The following MCC variants were observed in gnomAD, a reference collection of about 807,000 sequenced individuals.
MCC encodes the protein colorectal mutant cancer protein.
Under a neutral mutation model 116.2 loss-of-function variants are expected in MCC, and 90 were observed. That is an observed-to-expected ratio of 0.77 (90% CI 0.65 to 0.92). The LOEUF is 0.92. Among genes scored for constraint, MCC ranks in the 40% least tolerant of loss-of-function variants. The pLI, the probability that MCC is intolerant of heterozygous loss-of-function variation, is 0.00. For synonymous variants in MCC, 578 were observed against 510.5 expected (o/e 1.13, Z -1.78); for missense variants, 1,516 against 1,312.2 (o/e 1.16, Z -2.40).
At position 113,116,375 on chromosome 5, in the gene MCC, C is replaced by T. The variant is rs561019128; in HGVS notation, c.1027+6309G>A. Among the ~76,000 whole-genome samples the T allele has an allele frequency of 2.2e-4, 34 of 152,296 alleles. No individual in the cohort carries two copies. In the South Asian group the frequency reaches 7.0e-3, roughly 32 times the overall value. ...TTATTTCCATGACAGATTACACAGGCTTTCCAAGGCTGGTTTCAGGAGCTA... is the reference window on the plus strand; with the variant it reads ...TTATTTCCATGACAGATTACACAGGTTTTCCAAGGCTGGTTTCAGGAGCTA... On this transcript the variant is annotated intron_variant, in intron 6 of 18. Transcript: ENST00000408903.
intron 6 of MCC, among the ~76,000 whole-genome samples, chr5:113,110,275 G>A (rs1345870674): frequency 2.6e-5 from 4 of 152,204 alleles, no homozygotes; most frequent in Admixed American, 1.3e-4. Flanking sequence ...GGGAAAACAC[G>A]GTGACTGGAT....
rs936285572 is a variant in MCC, at chr5:113,027,233, G to A, written c.*69C>T. On this transcript the variant is annotated 3_prime_UTR_variant, in exon 19 of 19. Coordinates refer to ENST00000408903, the MANE Select transcript of MCC (RefSeq NM_001085377.2). ...CCTCCTCCTCCCAACAAGTACATGGGCCCTTCTGTCCCCAGTGGCCTGCTG... is the reference window on the plus strand; with the variant it reads ...CCTCCTCCTCCCAACAAGTACATGGACCCTTCTGTCCCCAGTGGCCTGCTG... The A allele has an allele frequency of 1.8e-5, 27 of 1,521,328 alleles. No homozygotes were observed. In the Admixed American group the frequency reaches 2.6e-4, roughly 15 times the overall value. 94.2% of individuals were successfully genotyped at this position (1,521,328 alleles called of 1,614,324 possible).
At position 113,049,213 on chromosome 5, in the gene MCC, G is replaced by C. The variant is rs1214797729; in HGVS notation, c.2535C>G (p.Ala845=). The change falls in exon 16 of 19, where the codon GCC becomes GCG. Residue 845 remains alanine, a synonymous_variant. Coordinates refer to ENST00000408903, the MANE Select transcript of MCC (RefSeq NM_001085377.2). ...ALELKLSTRE[A]QEQAYLVHIE... Reference sequence around the variant, plus strand: ...TGTGCACCAGGTAGGCCTGCTCCTGGGCCTCCCGCGTGCTCAGCTTCAGCT... The same window carrying C: ...TGTGCACCAGGTAGGCCTGCTCCTGCGCCTCCCGCGTGCTCAGCTTCAGCT... 3.1e-6 allele frequency: 5 copies of C among 1,613,930 alleles called. No individual in the cohort carries two copies. In the African/African-American group the frequency reaches 6.7e-5, roughly 22 times the overall value.
intron 3 of MCC, among the ~76,000 whole-genome samples, chr5:113,288,901 GT>G (rs2150360234): frequency 1.3e-5 from 2 of 152,284 alleles, no homozygotes; most frequent in South Asian, 4.1e-4. Flanking sequence ...GCACCTCAGA[GT>G]TTTAGACAAG....
At chr5:113,169,910 T>A (rs1187449341) in intron 3 of MCC, among the ~76,000 whole-genome samples, 4 of 152,226 alleles carry the variant, frequency 2.6e-5, no homozygotes, top group Non-Finnish European at 4.4e-5. Flanking sequence ...GAGATCGGCA[T>A]AAATGATAAC....
At chr5:113,440,706 T>A (rs1254658182) in intron 1 of MCC, among the ~76,000 whole-genome samples, 1 of 151,778 alleles carries the variant, frequency 6.6e-6, no homozygotes, top group Non-Finnish European at 1.5e-5. Context: ...TCTATATCCT[T>A]TAAGGGAACA....
intron 3 of MCC, among the ~76,000 whole-genome samples, chr5:113,287,686 T>G (rs748726783): frequency 3.2e-4 from 48 of 152,156 alleles, no homozygotes; most frequent in Non-Finnish European, 5.6e-4. Context: ...CAGCCCCACC[T>G]GGGAGAAAGC....
rs1249085527 is a variant in MCC, at chr5:113,488,182, G to A, written c.170+63C>T. On this transcript the variant is annotated intron_variant, in intron 1 of 18. Coordinates refer to ENST00000408903, the MANE Select transcript of MCC (RefSeq NM_001085377.2). ...AGTTGGGGCGAGGGGGCAGAGCAGGGGTCAAGGGCGCGCGGAGGGACTGAT... is the reference window on the plus strand; with the variant it reads ...AGTTGGGGCGAGGGGGCAGAGCAGGAGTCAAGGGCGCGCGGAGGGACTGAT... 46 of 1,528,782 alleles carry A rather than the reference G, an allele frequency of 3.0e-5. No individual in the cohort carries two copies. The Admixed American group carries it at 4.9e-4, about 16-fold the overall frequency. The allele number at this position is 1,528,782 out of a possible 1,614,324, so 94.7% of individuals were successfully genotyped here.
chr5:113,106,619 G>A (rs2150258181), intron 6 of MCC, among the ~76,000 whole-genome samples: 1 of 152,292 alleles, frequency 6.6e-6, no homozygotes, highest in East Asian at 1.9e-4. Context: ...ACAGGCAGGG[G>A]TACAATCCTA....
At chr5:113,066,805 G>T (rs1255751014) in intron 13 of MCC, among the ~76,000 whole-genome samples, 1 of 152,212 alleles carries the variant, frequency 6.6e-6, no homozygotes, top group African/African-American at 2.4e-5. Context: ...GCTCACAGCA[G>T]AAATCCAGTC....
chr5:113,479,798 C>G (rs774857545), intron 1 of MCC, among the ~76,000 whole-genome samples: 2 of 152,030 alleles, frequency 1.3e-5, no homozygotes, highest in Admixed American at 6.6e-5. Context: ...CTTAGTGACA[C>G]TATGGTTTCA....
intron 14 of MCC, among the ~76,000 whole-genome samples, chr5:113,061,569 A>C (rs1469394499): frequency 6.6e-6 from 1 of 152,210 alleles, no homozygotes; most frequent in Non-Finnish European, 1.5e-5. Context: ...GACCCTGGGC[A>C]CCTGCCAACA....
chr5:113,364,478 A>C (rs7734061), intron 2 of MCC, among the ~76,000 whole-genome samples: 5 of 151,948 alleles, frequency 3.3e-5, no homozygotes, highest in Non-Finnish European at 7.4e-5. Flanking sequence ...GGCTGGCACT[A>C]AGTGCCGATG....
chr5:113,046,709 A>AG (rs1580917279), intron 16 of MCC, among the ~76,000 whole-genome samples: 1 of 142,064 alleles, frequency 7.0e-6, no homozygotes, highest in African/African-American at 2.7e-5. Context: ...AAAAAAAAAA[A>AG]AAGAGAGAGA....
chr5:113,415,246 TG>T (rs759867257), intron 1 of MCC, among the ~76,000 whole-genome samples: 37 of 152,188 alleles, frequency 2.4e-4, no homozygotes, highest in Admixed American at 6.5e-5. Context: ...TTATGTGTCT[TG>T]GGGTTGCTTT....
chr5:113,207,173 G>C (rs1232015764), intron 3 of MCC, among the ~76,000 whole-genome samples: 1 of 152,152 alleles, frequency 6.6e-6, no homozygotes, highest in Non-Finnish European at 1.5e-5. Flanking sequence ...AGAGACTTTG[G>C]AATCAGACAG....
intron 1 of MCC, among the ~76,000 whole-genome samples, chr5:113,416,198 T>G (rs1012022317): frequency 6.6e-6 from 1 of 152,236 alleles, no homozygotes. Context: ...GGAATGGACC[T>G]ATGCAACTCT....
intron 1 of MCC, among the ~76,000 whole-genome samples, chr5:113,479,383 G>T (rs926289891): frequency 3.9e-5 from 6 of 152,268 alleles, no homozygotes; most frequent in Admixed American, 2.6e-4. Context: ...TCCTGATTTT[G>T]GTGGTGGTTA....
intron 3 of MCC, among the ~76,000 whole-genome samples, chr5:113,301,793 T>C (rs138220027): frequency 6.6e-6 from 1 of 152,332 alleles, no homozygotes; most frequent in African/African-American, 2.4e-5. Context: ...AGTTTTTATT[T>C]AATTGAAATT....
Sources: allele counts gnomAD v4.1 joint callset (sites outside exome capture counted in the v4.1 genomes callset), GRCh38; gene constraint gnomAD v4.1.1; transcripts MANE v1.5; gene names NCBI Gene and HGNC (gene_info 2026-07-23, HGNC 2026-07-21).